ZNF536: variants seen among roughly 807,000 people sequenced by gnomAD.
The protein encoded by ZNF536 is zinc finger protein 536.
ZNF536 carries 13 observed loss-of-function variants against 84.5 expected under a neutral mutation model. That is an observed-to-expected ratio of 0.15 (90% CI 0.10 to 0.24). The LOEUF is 0.24. Among genes scored for constraint, ZNF536 ranks in the 10% least tolerant of loss-of-function variants. ZNF536 has a pLI of 1.00. For missense variants in ZNF536, 1,536 were observed against 1,747.5 expected (o/e 0.88, Z 2.16); for synonymous variants, 811 against 742.5 (o/e 1.09, Z -1.50).
chr19:30,314,190 G>A (rs1358292742), intron 2 of ZNF536, among the ~76,000 whole-genome samples: 2 of 152,152 alleles, frequency 1.3e-5, no homozygotes, highest in East Asian at 3.9e-4. Flanking sequence ...TGAAGGGCCT[G>A]GGGGCCCCGG....
chr19:30,564,256 G>C (rs1467112554), intron 1 of ZNF536, among the ~76,000 whole-genome samples: 9 of 152,000 alleles, frequency 5.9e-5, no homozygotes, highest in Non-Finnish European at 1.3e-4. Flanking sequence ...GATCACTTGA[G>C]CCCAGGAGGT....
At chr19:30,664,735 G>T (rs746069688) in intron 1 of ZNF536, among the ~76,000 whole-genome samples, 5 of 152,178 alleles carry the variant, frequency 3.3e-5, no homozygotes, top group Non-Finnish European at 5.9e-5. Context: ...CCTGGCCTTT[G>T]AACACACTCT....
chr19:30,539,420 C>T (rs551809602), intron 3 of ZNF536, among the ~76,000 whole-genome samples: 1 of 152,188 alleles, frequency 6.6e-6, no homozygotes, highest in Non-Finnish European at 1.5e-5. Context: ...TCAGCCCACC[C>T]ATTCAAACGT....
At chr19:30,574,357 C>T (rs1340612557) in intron 1 of ZNF536, among the ~76,000 whole-genome samples, 1 of 152,184 alleles carries the variant, frequency 6.6e-6, no homozygotes, top group African/African-American at 2.4e-5. Flanking sequence ...CAGGTGGGTT[C>T]CTCTGCAAAG....
At chr19:30,515,898 G>A (rs2055619176) in intron 2 of ZNF536, among the ~76,000 whole-genome samples, 1 of 151,632 alleles carries the variant, frequency 6.6e-6, no homozygotes, top group African/African-American at 2.4e-5. Flanking sequence ...GTGGTGGGAG[G>A]TGCCTGTATT....
chr19:30,422,336 G>A (rs567167002), intron 1 of ZNF536, among the ~76,000 whole-genome samples: 34 of 152,056 alleles, frequency 2.2e-4, no homozygotes, highest in Non-Finnish European at 4.3e-4. Flanking sequence ...AGATAGAGTA[G>A]CCCCTCTCCT....
At chr19:30,384,209 TCCCTC>T (rs2049226341) in intron 1 of ZNF536, among the ~76,000 whole-genome samples, 1 of 19,922 alleles carries the variant, frequency 5.0e-5, no homozygotes, top group African/African-American at 2.6e-4. Flanking sequence ...CCTTCCATCC[TCCCTC>T]CCTCCCTCCC....
In ZNF536 at chr19:30,557,203, GTCTGT is replaced by G; in HGVS notation, c.*42_*46del. 1 of 1,612,336 alleles carries G rather than the reference GTCTGT, an allele frequency of 6.2e-7. No homozygotes were observed. The highest frequency in any genetic ancestry group is 8.5e-7 in the Non-Finnish European group (1 of 1,178,882). On this transcript the variant is annotated 3_prime_UTR_variant, in exon 5 of 5. Transcript: ENST00000355537. Reference sequence around the variant, plus strand: ...AGTCGGTCTATCTGGACTTGCCCTTGTCTGTTCGTGGTCCTCGGTGGTTATCTGCA... The same window carrying G: ...AGTCGGTCTATCTGGACTTGCCCTTGTCGTGGTCCTCGGTGGTTATCTGCA...
intron 1 of ZNF536, among the ~76,000 whole-genome samples, chr19:30,613,593 G>T (rs2048177272): frequency 6.6e-6 from 1 of 152,024 alleles, no homozygotes; most frequent in Admixed American, 6.6e-5. Flanking sequence ...CTTCAAATTT[G>T]GTATGCCTCC....
chr19:30,527,952 A>C (rs1018288352), intron 2 of ZNF536, among the ~76,000 whole-genome samples: 4 of 152,066 alleles, frequency 2.6e-5, no homozygotes, highest in Admixed American at 2.6e-4. Context: ...CACCCCTTAG[A>C]CTCCACAAAT....
intron 3 of ZNF536, among the ~76,000 whole-genome samples, chr19:30,354,526 C>A (rs1456502877): frequency 6.6e-6 from 1 of 152,126 alleles, no homozygotes; most frequent in Non-Finnish European, 1.5e-5. Flanking sequence ...ATCTACTACA[C>A]CTGATCATGG....
At chr19:30,629,732 G>T (rs185343378) in intron 1 of ZNF536, among the ~76,000 whole-genome samples, 1 of 152,310 alleles carries the variant, frequency 6.6e-6, no homozygotes, top group African/African-American at 2.4e-5. Context: ...AATCTGCCAC[G>T]AGTTTCTCTG....
intron 1 of ZNF536, among the ~76,000 whole-genome samples, chr19:30,666,149 C>G (rs569229022): frequency 6.6e-6 from 1 of 152,330 alleles, no homozygotes; most frequent in African/African-American, 2.4e-5. Flanking sequence ...CACAGACATG[C>G]GTGTGCATGC....
intron 1 of ZNF536, among the ~76,000 whole-genome samples, chr19:30,416,665 G>T (rs999521973): frequency 6.6e-6 from 1 of 152,114 alleles, no homozygotes; most frequent in Non-Finnish European, 1.5e-5. Context: ...AGACTCAGGT[G>T]CTCACCTTCC....
intron 2 of ZNF536, among the ~76,000 whole-genome samples, chr19:30,464,485 C>T (rs1031559152): frequency 6.6e-6 from 1 of 151,970 alleles, no homozygotes; most frequent in East Asian, 1.9e-4. Context: ...TCAGAAAGAA[C>T]AAATTTCAAG....
At position 30,441,728 on chromosome 19, in the gene ZNF536, C is replaced by A. The variant is rs138719628; in HGVS notation, c.-2-1833C>A. On this transcript the variant is annotated intron_variant, in intron 1 of 4. Transcript: ENST00000355537. ...TCTCCTATGGCAAGTGCCCATGCACCTTTACGCTTTGCACAGTTGTGCATA... is the reference window on the plus strand; with the variant it reads ...TCTCCTATGGCAAGTGCCCATGCACATTTACGCTTTGCACAGTTGTGCATA... 3.4e-4 allele frequency among the ~76,000 whole-genome samples: 52 copies of A among 152,342 alleles called. 1 individual carries two copies. The highest frequency in any genetic ancestry group is 1.1e-3 in the African/African-American group (46 of 41,574).
At position 30,483,999 on chromosome 19, in the gene ZNF536, C is replaced by G. The variant is rs562432055; in HGVS notation, c.2170+38267C>G. On this transcript the variant is annotated intron_variant, in intron 2 of 4. Transcript: ENST00000355537. The stretch of plus-strand genomic sequence containing the variant: ...CTACCTCACCATCCCAATTCTTTGC[C>G]AGGCTGACTTCTGCCTTCCTTTGGA... 2.6e-5 allele frequency among the ~76,000 whole-genome samples: 4 copies of G among 152,136 alleles called. No individual in the cohort carries two copies. In the South Asian group the frequency reaches 8.3e-4, roughly 32 times the overall value.
chr19:30,467,225 C>T (rs959448806), intron 2 of ZNF536, among the ~76,000 whole-genome samples: 1 of 152,218 alleles, frequency 6.6e-6, no homozygotes, highest in Non-Finnish European at 1.5e-5. Flanking sequence ...TAGAACCCTT[C>T]TCCTCTGGCA....
chr19:30,629,824 G>A (rs2048825036), intron 1 of ZNF536, among the ~76,000 whole-genome samples: 1 of 152,232 alleles, frequency 6.6e-6, no homozygotes, highest in Non-Finnish European at 1.5e-5. Flanking sequence ...CAGGGGAAAT[G>A]CCAAGGGCAG....
Sources: allele counts gnomAD v4.1 joint callset (sites outside exome capture counted in the v4.1 genomes callset), GRCh38; gene constraint gnomAD v4.1.1; transcripts MANE v1.5; gene names NCBI Gene and HGNC (gene_info 2026-07-23, HGNC 2026-07-21).